The following TENM2 variants were observed in gnomAD, a reference collection of about 807,000 sequenced individuals.
The protein encoded by TENM2 is teneurin transmembrane protein 2.
TENM2 carries 52 observed loss-of-function variants against 245.2 expected under a neutral mutation model. That is an observed-to-expected ratio of 0.21 (90% confidence interval 0.17 to 0.27). TENM2 has a LOEUF of 0.27. Ranked by LOEUF, TENM2 falls within the 10% of genes least tolerant of loss-of-function variation. The pLI, the probability that TENM2 is intolerant of heterozygous loss-of-function variation, is 1.00. For missense variants in TENM2, 3,046 were observed against 3,666.8 expected (o/e 0.83, Z 4.37); for synonymous variants, 1,363 against 1,438.9 (o/e 0.95, Z 1.19).
At chr5:167,365,493 A>T (rs1759993228) in intron 1 of TENM2, among the ~76,000 whole-genome samples, 1 of 151,888 alleles carries the variant, frequency 6.6e-6, no homozygotes, top group African/African-American at 2.4e-5. Flanking sequence ...TGAAAAATCG[A>T]TAAAATAAAA....
intron 3 of TENM2, among the ~76,000 whole-genome samples, chr5:167,902,192 G>A (rs1775759447): frequency 6.6e-6 from 1 of 152,144 alleles, no homozygotes; most frequent in Non-Finnish European, 1.5e-5. Flanking sequence ...GGGTGCATGG[G>A]CATGTACCCT....
chr5:168,048,465 A>G (rs1363004009), intron 6 of TENM2, among the ~76,000 whole-genome samples: 3 of 152,242 alleles, frequency 2.0e-5, no homozygotes, highest in Non-Finnish European at 2.9e-5. Flanking sequence ...AGGAAGCAGC[A>G]TTTATTAGGC....
chr5:168,189,541 G>A (rs11134492), intron 13 of TENM2, among the ~76,000 whole-genome samples: 41,728 of 152,056 alleles, frequency 0.27, 7,237 homozygotes, highest in Non-Finnish European at 0.38. Flanking sequence ...TCCTGAGGGC[G>A]TGCAGGAAGA....
chr5:167,918,232 C>T (rs1777094326), intron 3 of TENM2, among the ~76,000 whole-genome samples: 2 of 152,112 alleles, frequency 1.3e-5, no homozygotes, highest in South Asian at 4.1e-4. Flanking sequence ...TGAATACAAA[C>T]AGTTACCATA....
At chr5:167,841,514 C>T (rs1385920857) in intron 2 of TENM2, among the ~76,000 whole-genome samples, 1 of 152,224 alleles carries the variant, frequency 6.6e-6, no homozygotes, top group Non-Finnish European at 1.5e-5. Flanking sequence ...AGCTTCCCCA[C>T]ACAAGCGTGT....
chr5:168,208,689 A>C (rs1477045616), intron 19 of TENM2, among the ~76,000 whole-genome samples: 2 of 152,258 alleles, frequency 1.3e-5, no homozygotes, highest in Non-Finnish European at 2.9e-5. Context: ...TCAATCCCGA[A>C]TAAAAGTAAA....
chr5:167,021,730 G>T, the TENM2 span, among the ~76,000 whole-genome samples: 1 of 152,116 alleles, frequency 6.6e-6, no homozygotes, highest in Non-Finnish European at 1.5e-5. Context: ...CCTATTTACT[G>T]ATTTTAGTGC....
intron 2 of TENM2, among the ~76,000 whole-genome samples, chr5:167,555,324 C>A (rs563789831): frequency 6.6e-6 from 1 of 152,282 alleles, no homozygotes; most frequent in African/African-American, 2.4e-5. Flanking sequence ...ACCAACTGCA[C>A]CTTTGTGTTT....
In TENM2 at chr5:167,791,545, T is replaced by A. The variant is rs1462566876; in HGVS notation, c.503-84441T>A. On this transcript the variant is annotated intron_variant, in intron 2 of 28. Transcript: ENST00000518659. Reference sequence around the variant, plus strand: ...TATATATAATGTATATTTTTATATATTATAATATATAAATATATATATAGA... The same window carrying A: ...TATATATAATGTATATTTTTATATAATATAATATATAAATATATATATAGA... 2.3e-4 allele frequency among the ~76,000 whole-genome samples: 17 copies of A among 74,324 alleles called. No homozygotes were observed. In the East Asian group the frequency reaches 0.01, roughly 45 times the overall value. 48.8% of individuals were successfully genotyped at this position (74,324 alleles called of 152,430 possible).
intron 4 of TENM2, among the ~76,000 whole-genome samples, chr5:167,983,156 A>G (rs1782967859): frequency 6.7e-6 from 1 of 150,322 alleles, no homozygotes; most frequent in South Asian, 2.1e-4. Context: ...CACCAAGTTA[A>G]CAACTCCAGA....
At position 167,596,575 on chromosome 5, in the gene TENM2, C is replaced by T. The variant is rs552406852; in HGVS notation, c.502+221102C>T. Among the ~76,000 whole-genome samples the T allele has an allele frequency of 1.8e-4, 27 of 152,154 alleles. No homozygotes were observed. In the East Asian group the frequency reaches 4.5e-3, roughly 25 times the overall value. ...TTGGGAGGCCGAGGCAGGCGGATCA[C>T]GAGGTTAGGAGATCAAGACCATCCT... On this transcript the variant is annotated intron_variant, in intron 2 of 28. Coordinates refer to ENST00000518659, the Ensembl canonical transcript of TENM2.
intron 2 of TENM2, among the ~76,000 whole-genome samples, chr5:167,619,778 C>G (rs1778038212): frequency 6.6e-6 from 1 of 152,062 alleles, no homozygotes; most frequent in African/African-American, 2.4e-5. Context: ...CTCTTGTTAG[C>G]CTTAAGCATT....
chr5:167,371,110 T>C (rs1760392762), intron 1 of TENM2, among the ~76,000 whole-genome samples: 1 of 152,186 alleles, frequency 6.6e-6, no homozygotes, highest in Non-Finnish European at 1.5e-5. Context: ...AATCAATCCA[T>C]ATAGAAGAAT....
intron 2 of TENM2, among the ~76,000 whole-genome samples, chr5:167,558,046 T>C (rs1014907308): frequency 1.3e-4 from 20 of 152,224 alleles, no homozygotes; most frequent in African/African-American, 4.8e-4. Context: ...ATAGAAGATC[T>C]TCTAAAAGCC....
chr5:167,505,304 A>G (rs187999759), intron 2 of TENM2, among the ~76,000 whole-genome samples: 6 of 152,320 alleles, frequency 3.9e-5, no homozygotes. Flanking sequence ...AATTAGTCAA[A>G]TGCAAAACAT....
chr5:168,222,837 A>G (rs532085525), intron 23 of TENM2, among the ~76,000 whole-genome samples: 1 of 152,296 alleles, frequency 6.6e-6, no homozygotes, highest in African/African-American at 2.4e-5. Flanking sequence ...TTCAGCTAGC[A>G]TGAGTGCAAG....
chr5:167,975,364 G>T (rs1583545044), intron 4 of TENM2, among the ~76,000 whole-genome samples: 1 of 152,202 alleles, frequency 6.6e-6, no homozygotes, highest in South Asian at 2.1e-4. Flanking sequence ...TTGTGATAGG[G>T]ATGCTGCAGG....
Position 167,904,226 on chromosome 5 carries a change from A to G in TENM2, c.712+28031A>G, listed in dbSNP as rs185891113. On this transcript the variant is annotated intron_variant, in intron 3 of 28. Transcript: ENST00000518659. ...AGAGTCAATACCATCAAGGGGCTGG[A>G]TTAGCTGAAGTACACTGTGTGGTTA... 1.4e-4 allele frequency among the ~76,000 whole-genome samples: 21 copies of G among 152,314 alleles called. No individual in the cohort carries two copies. The East Asian group carries it at 4.1e-3, about 29-fold the overall frequency.
intron 2 of TENM2, among the ~76,000 whole-genome samples, chr5:167,423,545 T>G (rs549379300): frequency 6.6e-6 from 1 of 152,198 alleles, no homozygotes; most frequent in African/African-American, 2.4e-5. Flanking sequence ...ATTGAAGGAT[T>G]GATGTGCCTA....
Sources: allele counts gnomAD v4.1 joint callset (sites outside exome capture counted in the v4.1 genomes callset), GRCh38; gene constraint gnomAD v4.1.1; transcripts MANE v1.5; gene names NCBI Gene and HGNC (gene_info 2026-07-23, HGNC 2026-07-21).